Variants in CACNA1D observed in about 807,000 individuals in gnomAD.
CACNA1D encodes the protein calcium voltage-gated channel subunit alpha1 D.
Under a neutral mutation model 257.1 loss-of-function variants are expected in CACNA1D, and 55 were observed. The ratio of observed to expected loss-of-function variants is 0.21; its 90% CI spans 0.17 to 0.27. CACNA1D has a LOEUF of 0.27. Among genes scored for constraint, CACNA1D ranks in the 10% least tolerant of loss-of-function variants. The pLI is 1.00. For synonymous variants in CACNA1D, 980 were observed against 1,014.9 expected (o/e 0.97, Z 0.65); for missense variants, 1,876 against 2,784.0 (o/e 0.67, Z 7.34).
intron 3 of CACNA1D, among the ~76,000 whole-genome samples, chr3:53,514,745 C>T (rs2091266547): frequency 1.3e-5 from 2 of 152,074 alleles, no homozygotes; most frequent in South Asian, 2.1e-4. Flanking sequence ...CTCTGGGGCA[C>T]CTGGTGAAGA....
intron 9 of CACNA1D, among the ~76,000 whole-genome samples, chr3:53,708,299 C>G (rs1357904785): frequency 6.6e-6 from 1 of 152,364 alleles, no homozygotes; most frequent in Non-Finnish European, 1.5e-5. Flanking sequence ...ATGGAAGATA[C>G]TCAAGTAAAA....
At chr3:53,635,598 A>G (rs928145480) in intron 3 of CACNA1D, among the ~76,000 whole-genome samples, 113 of 151,680 alleles carry the variant, frequency 7.4e-4, no homozygotes, top group African/African-American at 2.7e-3. Flanking sequence ...CCCTTTCTCT[A>G]TCTGGGTTTC....
intron 3 of CACNA1D, among the ~76,000 whole-genome samples, chr3:53,629,270 G>T (rs2093795809): frequency 6.6e-6 from 1 of 152,260 alleles, no homozygotes; most frequent in Non-Finnish European, 1.5e-5. Context: ...CAAGATGGTA[G>T]CTTTGCTTGT....
Position 53,673,869 on chromosome 3 carries a change from C to A in CACNA1D, c.1220+743C>A. The A allele has an allele frequency of 9.3e-7, 1 of 1,074,002 alleles. No homozygotes were observed. Among genetic ancestry groups the A allele is most frequent in the Non-Finnish European group, 1.5e-6 (1 of 686,912 alleles). 66.5% of individuals were successfully genotyped at this position (1,074,002 alleles called of 1,614,324 possible). On this transcript the variant is annotated intron_variant, in intron 8 of 47. Coordinates refer to ENST00000350061, the MANE Select transcript of CACNA1D (RefSeq NM_001128840.3). This position sits in a 1 kb window ranked among gnomAD's most constrained non-coding sequence, Gnocchi z 4.1. ...TCTCCTGCTGCCACGTGTGAGGCAA[C>A]TCTGCGTGTCTCCTAGCTGCTCCCT...
intron 3 of CACNA1D, among the ~76,000 whole-genome samples, chr3:53,593,949 A>C (rs2093339891): frequency 6.6e-6 from 1 of 152,114 alleles, no homozygotes; most frequent in Non-Finnish European, 1.5e-5. Context: ...TTCTTCAGGG[A>C]GCTGCAGCTT....
intron 14 of CACNA1D, among the ~76,000 whole-genome samples, chr3:53,726,066 G>A (rs913646121): frequency 3.3e-5 from 5 of 152,144 alleles, no homozygotes; most frequent in Non-Finnish European, 7.3e-5. Flanking sequence ...ACAGTTGATG[G>A]ACTATGTGGA....
chr3:53,736,811 A>G (rs1380411844), intron 20 of CACNA1D, among the ~76,000 whole-genome samples: 1 of 151,888 alleles, frequency 6.6e-6, no homozygotes, highest in African/African-American at 2.4e-5. Flanking sequence ...TTGCCTGAGC[A>G]CAGGAGGCTG....
At chr3:53,653,518 A>G (rs1320289705) in intron 4 of CACNA1D, among the ~76,000 whole-genome samples, 1 of 151,448 alleles carries the variant, frequency 6.6e-6, no homozygotes, top group East Asian at 1.9e-4. Flanking sequence ...GGGACAATAT[A>G]AAAAAAAACA....
chr3:53,773,241 G>T (rs998027885), intron 33 of CACNA1D, among the ~76,000 whole-genome samples: 24 of 152,108 alleles, frequency 1.6e-4, no homozygotes, highest in African/African-American at 5.8e-4. Context: ...GGTCTTTTCA[G>T]TCTGTGCCGA....
chr3:53,745,676 T>C lies in CACNA1D; in HGVS notation c.3059T>C (p.Ile1020Thr). Residue 1020 changes from isoleucine (I) to threonine (T), a missense_variant, in exon 24 of 48, where the codon ATC becomes ACC. Transcript: ENST00000350061. ...ATCCGGACCATCGGCAACATCATGA[T>C]CGTCACCACCCTCCTGCAGTTCATG... ...VAIRTIGNIM[I>T]VTTLLQFMFA... is the part of the protein sequence containing the mutation. 1.2e-5 allele frequency: 19 copies of C among 1,614,152 alleles called. No homozygotes were observed. Among genetic ancestry groups the C allele is most frequent in the Non-Finnish European group, 1.6e-5 (19 of 1,180,000 alleles).
intron 8 of CACNA1D, 34 bp from the exon 9 acceptor site, chr3:53,702,607 C>T (rs551125079): frequency 1.2e-6 from 2 of 1,610,686 alleles, no homozygotes; most frequent in Admixed American, 3.3e-5. Flanking sequence ...CCAAGGATGT[C>T]CTGATATGTG....
At chr3:53,554,776 C>T (rs1254973739) in intron 3 of CACNA1D, among the ~76,000 whole-genome samples, 1 of 152,130 alleles carries the variant, frequency 6.6e-6, no homozygotes, top group Non-Finnish European at 1.5e-5. Context: ...TGGCCTTGTA[C>T]CCAGTAAACA....
rs898423 is a variant in CACNA1D, at chr3:53,735,738, G to A, written c.2751+235G>A. ...TTCATCTTAAATACTCTGCAGGAAC[G>A]GTCAGTGAATTCAGGGAGCCTGCTT... On this transcript the variant is annotated intron_variant, in intron 20 of 47. Coordinates refer to ENST00000350061, the MANE Select transcript of CACNA1D (RefSeq NM_001128840.3). 0.6 allele frequency among the ~76,000 whole-genome samples: 91,206 copies of A among 152,148 alleles called. 28,149 individuals are homozygous for A. Among genetic ancestry groups the A allele is most frequent in the East Asian group, 0.89 (4,608 of 5,170 alleles).
intron 9 of CACNA1D, among the ~76,000 whole-genome samples, chr3:53,708,261 T>C (rs903801059): frequency 6.6e-6 from 1 of 152,264 alleles, no homozygotes; most frequent in Non-Finnish European, 1.5e-5. Context: ...TTCATCACCA[T>C]TGAACTACCT....
Position 53,584,300 on chromosome 3 carries a change from C to T in CACNA1D, c.484-66479C>T, listed in dbSNP as rs181050095. 3.3e-5 allele frequency among the ~76,000 whole-genome samples: 5 copies of T among 152,308 alleles called. No homozygotes were observed. In the East Asian group the frequency reaches 9.6e-4, roughly 29 times the overall value. On this transcript the variant is annotated intron_variant, in intron 3 of 47. Transcript: ENST00000350061. ...AACAGGAGGCAGTGGACACAAACAGCTGTAATTAGCACAAGGTAGCATGAA... is the reference window on the plus strand; with the variant it reads ...AACAGGAGGCAGTGGACACAAACAGTTGTAATTAGCACAAGGTAGCATGAA...
chr3:53,542,785 T>C (rs1319264067), intron 3 of CACNA1D, among the ~76,000 whole-genome samples: 2 of 152,068 alleles, frequency 1.3e-5, no homozygotes, highest in East Asian at 1.9e-4. Flanking sequence ...CCAGGTGTGG[T>C]GACTCACGCC....
chr3:53,783,030 G>T (rs1430274135), intron 39 of CACNA1D: 1 of 152,180 alleles, frequency 6.6e-6, no homozygotes, highest in Non-Finnish European at 1.5e-5. Context: ...TAGGGTGGTG[G>T]CATGGAATCA....
At chr3:53,754,459 A>G (rs1395826541) in intron 29 of CACNA1D, among the ~76,000 whole-genome samples, 4 of 152,226 alleles carry the variant, frequency 2.6e-5, no homozygotes, top group African/African-American at 9.6e-5. Flanking sequence ...CCTCACCCAT[A>G]AAATGAGGAC....
At chr3:53,767,670 T>C (rs74730975) in intron 30 of CACNA1D, among the ~76,000 whole-genome samples, 3,168 of 152,244 alleles carry the variant, frequency 0.021, 115 homozygotes, top group African/African-American at 0.072. Context: ...AGAGATTTTG[T>C]TAAAGATCCC....
Sources: gnomAD v4.1 joint callset for allele counts (sites outside exome capture counted in the v4.1 genomes callset) on GRCh38, gnomAD v4.1.1 for gene constraint, Gnocchi (gnomAD v3.1) non-coding constraint, MANE v1.5 for transcripts, NCBI Gene and HGNC (gene_info 2026-07-23, HGNC 2026-07-21) for gene names.